The following STIM1 variants were observed in gnomAD, a reference collection of about 807,000 sequenced individuals.
STIM1 encodes the protein stromal interaction molecule 1.
STIM1 carries 25 observed loss-of-function variants against 74.7 expected under a neutral mutation model. That is an observed-to-expected ratio of 0.33 (90% confidence interval 0.24 to 0.47). The LOEUF (loss-of-function observed/expected upper bound fraction) is 0.47. Among genes scored for constraint, STIM1 ranks in the 20% least tolerant of loss-of-function variants. The pLI is 1.00. For missense variants in STIM1, 728 were observed against 920.8 expected (o/e 0.79, Z 2.71); for synonymous variants, 328 against 348.8 (o/e 0.94, Z 0.66).
intron 2 of STIM1, among the ~76,000 whole-genome samples, chr11:3,985,529 T>C (rs889667579): frequency 6.6e-6 from 1 of 152,136 alleles, no homozygotes; most frequent in Non-Finnish European, 1.5e-5. Flanking sequence ...ACAAAGGGTT[T>C]GGCCTGAGGT....
intron 2 of STIM1, among the ~76,000 whole-genome samples, chr11:3,969,147 A>G (rs2093367504): frequency 6.6e-6 from 1 of 152,232 alleles, no homozygotes; most frequent in South Asian, 2.1e-4. Flanking sequence ...CTTCCTTGGT[A>G]GACAGTGAAC....
chr11:3,857,030 C>T (rs1321619447), intron 1 of STIM1, among the ~76,000 whole-genome samples: 1 of 149,712 alleles, frequency 6.7e-6, no homozygotes, highest in African/African-American at 2.5e-5. Context: ...TGATATAATT[C>T]CTGGGACCAC....
Position 4,019,987 on chromosome 11 carries a change from G to A in STIM1, c.271-3886G>A, listed in dbSNP as rs146782143. ...CAGATTCTGGTAACCACTATCCTAC[G>A]TTCTACTTCTATGAGATCAGCTTTT... On this transcript the variant is annotated intron_variant, in intron 2 of 12. Transcript: ENST00000526596. Among the ~76,000 whole-genome samples the A allele has an allele frequency of 2.2e-4, 34 of 152,098 alleles. No individual in the cohort carries two copies. In the East Asian group the frequency reaches 6.2e-3, roughly 28 times the overall value.
At chr11:4,077,709 T>C (rs2094444927) in intron 7 of STIM1, among the ~76,000 whole-genome samples, 1 of 152,158 alleles carries the variant, frequency 6.6e-6, no homozygotes, top group South Asian at 2.1e-4. Context: ...TCAGTTCTGT[T>C]CTTTTTTCTC....
At chr11:3,914,135 C>T (rs998236007) in intron 1 of STIM1, among the ~76,000 whole-genome samples, 4 of 152,052 alleles carry the variant, frequency 2.6e-5, no homozygotes, top group African/African-American at 4.8e-5. Flanking sequence ...CCCCATTCCT[C>T]CCTCCTGCTA....
At position 3,876,562 on chromosome 11, in the gene STIM1, C is replaced by A. The variant is rs114733725; in HGVS notation, c.139+20153C>A. Among the ~76,000 whole-genome samples, 4 of 152,214 alleles carry A rather than the reference C, an allele frequency of 2.6e-5. No homozygotes were observed. In the East Asian group the frequency reaches 7.7e-4, roughly 29 times the overall value. On this transcript the variant is annotated intron_variant, in intron 1 of 12. Coordinates refer to ENST00000526596, the MANE Select transcript of STIM1 (RefSeq NM_001382567.1). ...TTGGGACTACAGGCACATGCCACTA[C>A]ACCTGACTGATTTTATTTTTATTTT... is the stretch of plus-strand genomic sequence containing the variant.
At chr11:4,009,292 CAAAA>C (rs778055041) in intron 2 of STIM1, among the ~76,000 whole-genome samples, 1 of 97,310 alleles carries the variant, frequency 1.0e-5, no homozygotes, top group African/African-American at 3.9e-5. Flanking sequence ...AAGAGTGTCT[CAAAA>C]AAAAAAAAAA....
intron 1 of STIM1, among the ~76,000 whole-genome samples, chr11:3,895,661 TCTTTCTTTCTTTCCTTCCTTCC>T (rs2092062978): frequency 3.8e-5 from 1 of 26,328 alleles, no homozygotes; most frequent in Admixed American, 4.5e-4. Context: ...TTTCTTTCTT[TCTTTCTTTCTTTCCTTCCTTCC>T]TTCTTTCTTT....
intron 1 of STIM1, among the ~76,000 whole-genome samples, chr11:3,948,704 GTCTA>G (rs2093109222): frequency 6.6e-6 from 1 of 152,076 alleles, no homozygotes; most frequent in Non-Finnish European, 1.5e-5. Context: ...TTCTAAATAC[GTCTA>G]TCTTATTCCT....
chr11:4,031,617 G>C (rs1045369735), intron 3 of STIM1, among the ~76,000 whole-genome samples: 3 of 152,038 alleles, frequency 2.0e-5, no homozygotes, highest in African/African-American at 7.2e-5. Flanking sequence ...TTTTGTATTT[G>C]CCTAATGACT....
At chr11:3,883,363 T>C (rs1590523879) in intron 1 of STIM1, among the ~76,000 whole-genome samples, 3 of 152,200 alleles carry the variant, frequency 2.0e-5, no homozygotes, top group African/African-American at 7.2e-5. Flanking sequence ...TTTGTTTGTT[T>C]TTGTTTTTTG....
intron 1 of STIM1, among the ~76,000 whole-genome samples, chr11:3,938,241 T>TA (rs1223755991): frequency 6.6e-6 from 1 of 152,116 alleles, no homozygotes. Context: ...CCCGGCCTGT[T>TA]AGAGAAATTC....
At chr11:3,972,828 T>C in intron 2 of STIM1, 1 of 474,342 alleles carries the variant, frequency 2.1e-6, no homozygotes, top group Non-Finnish European at 4.2e-6. Flanking sequence ...CCATAGCTAC[T>C]GACTGGAACC....
chr11:3,950,225 C>G (rs2093129099), intron 1 of STIM1, among the ~76,000 whole-genome samples: 1 of 151,692 alleles, frequency 6.6e-6, no homozygotes, highest in Non-Finnish European at 1.5e-5. Flanking sequence ...CCTCCACCTC[C>G]TGGGTTCAAG....
rs5789317 is a variant in STIM1 at position 3,937,290 on chromosome 11, C to CAATAATAATAAT, written c.140-30244_140-30233dup. Among the ~76,000 whole-genome samples, 940 of 133,072 alleles carry CAATAATAATAAT rather than the reference C, an allele frequency of 7.1e-3. 6 individuals carry two copies. Among genetic ancestry groups the CAATAATAATAAT allele is most frequent in the African/African-American group, 0.016 (627 of 38,600 alleles). The allele number at this position is 133,072 out of a possible 152,430, so 87.3% of individuals were successfully genotyped here. ...TGGGCAACAGAGCGAGACTTCATCT[C>CAATAATAATAAT]AATAATAATAATAATAATAATAATA... On this transcript the variant is annotated intron_variant, in intron 1 of 12. Transcript: ENST00000526596.
Position 3,974,858 on chromosome 11 carries a change from T to C in STIM1, c.270+7176T>C, listed in dbSNP as rs534166079. 5.1e-4 allele frequency among the ~76,000 whole-genome samples: 77 copies of C among 152,220 alleles called. No homozygotes were observed. In the Middle Eastern group the frequency reaches 0.01, roughly 20 times the overall value. ...TTGCAGTGGGATGGTACTGTTAGGT[T>C]GTCCTTAACAGTATGAGTTGGGCAG... On this transcript the variant is annotated intron_variant, in intron 2 of 12. Transcript: ENST00000526596.
chr11:3,900,631 G>A (rs1433527922), intron 1 of STIM1, among the ~76,000 whole-genome samples: 1 of 152,176 alleles, frequency 6.6e-6, no homozygotes, highest in Non-Finnish European at 1.5e-5. Context: ...TATTGCCCAG[G>A]CTAGAGTGCA....
chr11:4,056,956 C>T (rs946331225), intron 4 of STIM1, among the ~76,000 whole-genome samples: 2 of 152,156 alleles, frequency 1.3e-5, no homozygotes, highest in Admixed American at 1.3e-4. Flanking sequence ...ACTGCATCTT[C>T]CTCTTGTGCC....
chr11:3,886,153 A>G (rs1479238276), intron 1 of STIM1, among the ~76,000 whole-genome samples: 7 of 152,238 alleles, frequency 4.6e-5, no homozygotes, highest in Admixed American at 2.6e-4. Flanking sequence ...ATCACACATT[A>G]TAGGCCAAAT....
Sources: gnomAD v4.1 joint callset for allele counts (sites outside exome capture counted in the v4.1 genomes callset) on GRCh38, gnomAD v4.1.1 for gene constraint, MANE v1.5 for transcripts, NCBI Gene and HGNC (gene_info 2026-07-23, HGNC 2026-07-21) for gene names.